Variants in TNFSF4 observed in about 807,000 individuals in gnomAD.
TNFSF4 encodes the protein tumor necrosis factor ligand superfamily member 4.
Under a neutral mutation model 7.3 loss-of-function variants are expected in TNFSF4, and 4 were observed. The observed-to-expected ratio is 0.55, with a 90% CI of 0.27 to 1.25. TNFSF4 has a LOEUF of 1.25. Among genes scored for constraint, TNFSF4 ranks in the 50% most tolerant of loss-of-function variants. The pLI, the probability that TNFSF4 is intolerant of heterozygous loss-of-function variation, is 0.12. For synonymous variants in TNFSF4, 76 were observed against 83.7 expected, an observed-to-expected ratio of 0.91 and a Z score of 0.50; for missense variants, 181 against 208.8, an observed-to-expected ratio of 0.87 and a Z score of 0.82.
At chr1:173,226,592 G>C in the TNFSF4 span, among the ~76,000 whole-genome samples, 1 of 152,124 alleles carries the variant, frequency 6.6e-6, no homozygotes. Context: ...CAGCACCTTA[G>C]CTTTTCCCAT....
the TNFSF4 span, among the ~76,000 whole-genome samples, chr1:173,254,709 T>A: frequency 6.6e-6 from 1 of 152,244 alleles, no homozygotes; most frequent in African/African-American, 2.4e-5. Context: ...AAACCTAGAC[T>A]ATCTTAGGCT....
At chr1:173,273,105 T>C in the TNFSF4 span, among the ~76,000 whole-genome samples, 2 of 152,152 alleles carry the variant, frequency 1.3e-5, no homozygotes, top group Admixed American at 6.5e-5. Flanking sequence ...TCCTTGCAAA[T>C]TGATGTGGAT....
chr1:173,368,726 C>T, the TNFSF4 span, among the ~76,000 whole-genome samples: 1 of 152,114 alleles, frequency 6.6e-6, no homozygotes, highest in African/African-American at 2.4e-5. Context: ...GACCCTGCAG[C>T]CATGAGCAGA....
the TNFSF4 span, among the ~76,000 whole-genome samples, chr1:173,266,429 C>T: frequency 6.6e-6 from 1 of 152,232 alleles, no homozygotes; most frequent in South Asian, 2.1e-4. Flanking sequence ...AGGATGAACA[C>T]CTGCTTTTCT....
At chr1:173,297,491 A>G in the TNFSF4 span, among the ~76,000 whole-genome samples, 1 of 152,004 alleles carries the variant, frequency 6.6e-6, no homozygotes, top group Non-Finnish European at 1.5e-5. Context: ...AGCACAAAAC[A>G]GACCTGGCCC....
At chr1:173,439,002 C>T in the TNFSF4 span, among the ~76,000 whole-genome samples, 1 of 152,132 alleles carries the variant, frequency 6.6e-6, no homozygotes, top group Admixed American at 6.5e-5. Context: ...TGAGACTGCC[C>T]CACCCCATCA....
At chr1:173,228,976 G>A in the TNFSF4 span, among the ~76,000 whole-genome samples, 1 of 152,174 alleles carries the variant, frequency 6.6e-6, no homozygotes, top group Non-Finnish European at 1.5e-5. Flanking sequence ...AAAGTGACGG[G>A]GAGAATGGAA....
chr1:173,228,028 G>A, the TNFSF4 span, among the ~76,000 whole-genome samples: 1 of 152,214 alleles, frequency 6.6e-6, no homozygotes, highest in Non-Finnish European at 1.5e-5. Flanking sequence ...TAGCCAAACA[G>A]GAGGCAGCAG....
chr1:173,209,690 G>T (rs569132889), upstream of TNFSF4, among the ~76,000 whole-genome samples: 10 of 152,120 alleles, frequency 6.6e-5, no homozygotes, highest in Non-Finnish European at 1.0e-4. Context: ...AAAATTTCTT[G>T]TAGAGACTCC....
rs1649186733 is a variant in TNFSF4 at position 173,185,557 on chromosome 1, G to A, written c.*959C>T. 1 of 152,202 alleles carries A rather than the reference G, an allele frequency of 6.6e-6. No individual in the cohort carries two copies. The highest frequency in any genetic ancestry group is 2.1e-4 in the South Asian group (1 of 4,830). The allele number at this position is 152,202 out of a possible 1,614,324, so 9.4% of individuals were successfully genotyped here. A position where few individuals can be genotyped will look rare whatever the true frequency, so the allele number is the denominator to read the frequency against. ...ATTTCTTGAAACCAGCAATGTTTCT[G>A]TGTGTACAAGACATGGAGCTGAGTG... On this transcript the variant is annotated 3_prime_UTR_variant, in exon 3 of 3. Transcript: ENST00000281834.
the TNFSF4 span, among the ~76,000 whole-genome samples, chr1:173,221,433 T>C: frequency 6.6e-6 from 1 of 152,218 alleles, no homozygotes; most frequent in Admixed American, 6.5e-5. Context: ...TAAAGTGCCT[T>C]GACTTCTAGG....
chr1:173,337,564 T>A, the TNFSF4 span, among the ~76,000 whole-genome samples: 4 of 152,170 alleles, frequency 2.6e-5, no homozygotes, highest in African/African-American at 9.6e-5. Context: ...TACAGACAGG[T>A]CTATATAATG....
At chr1:173,359,538 A>AC in the TNFSF4 span, among the ~76,000 whole-genome samples, 1 of 116,484 alleles carries the variant, frequency 8.6e-6, no homozygotes, top group African/African-American at 3.1e-5. Context: ...AAAAAAAAAA[A>AC]AAACTACATC....
chr1:173,319,472 A>C, the TNFSF4 span, among the ~76,000 whole-genome samples: 12 of 152,162 alleles, frequency 7.9e-5, no homozygotes, highest in Non-Finnish European at 1.8e-4. Flanking sequence ...GATCCTGACA[A>C]GGGTGATTCT....
the TNFSF4 span, among the ~76,000 whole-genome samples, chr1:173,250,760 C>T: frequency 6.6e-6 from 1 of 151,928 alleles, no homozygotes; most frequent in Non-Finnish European, 1.5e-5. Context: ...CGCCCGGCCT[C>T]TCCAGTTTCT....
At chr1:173,355,960 C>T in the TNFSF4 span, among the ~76,000 whole-genome samples, 1 of 152,208 alleles carries the variant, frequency 6.6e-6, no homozygotes, top group Non-Finnish European at 1.5e-5. Context: ...TGTCTAAAGA[C>T]ATTCAATTCA....
chr1:173,294,269 A>G, the TNFSF4 span, among the ~76,000 whole-genome samples: 1 of 151,958 alleles, frequency 6.6e-6, no homozygotes, highest in African/African-American at 2.4e-5. Flanking sequence ...ATACTACACA[A>G]ACATGAGAAA....
chr1:173,414,103 T>C, the TNFSF4 span, among the ~76,000 whole-genome samples: 2 of 152,192 alleles, frequency 1.3e-5, no homozygotes, highest in Non-Finnish European at 2.9e-5. Context: ...ATAGGTATTG[T>C]ACTAGTGTGC....
chr1:173,330,313 C>A, the TNFSF4 span, among the ~76,000 whole-genome samples: 3 of 123,854 alleles, frequency 2.4e-5, no homozygotes, highest in Non-Finnish European at 5.3e-5. Flanking sequence ...TATTAATTGA[C>A]AATATTAATG....
Sources: allele counts gnomAD v4.1 joint callset (sites outside exome capture counted in the v4.1 genomes callset), GRCh38; gene constraint gnomAD v4.1.1; transcripts MANE v1.5; gene names NCBI Gene and HGNC (gene_info 2026-07-23, HGNC 2026-07-21).